Variants in IL20RB observed in about 807,000 individuals in gnomAD.
IL20RB encodes the protein interleukin 20 receptor subunit beta.
In IL20RB, 21 loss-of-function variants were observed where a neutral mutation model predicts 33.3. The observed-to-expected ratio is 0.63, with a 90% confidence interval of 0.45 to 0.91. The LOEUF (loss-of-function observed/expected upper bound fraction) is 0.91, where lower values mean the gene tolerates loss of function less well. Among genes scored for constraint, IL20RB ranks in the 40% least tolerant of loss-of-function variants. The probability of loss-of-function intolerance (pLI) is 0.00; values close to 1 mark genes in which losing one functional copy is unlikely to be tolerated. For missense variants in IL20RB, 345 were observed against 384.8 expected, an observed-to-expected ratio of 0.90 and a Z score of 0.86; for synonymous variants, 147 against 146.8, an observed-to-expected ratio of 1.00 and a Z score of -0.01.
intron 5 of IL20RB, among the ~76,000 whole-genome samples, chr3:136,993,417 T>C (rs185770619): frequency 2.6e-5 from 4 of 152,298 alleles, no homozygotes; most frequent in Non-Finnish European, 4.4e-5. Context: ...TACATATGGA[T>C]CTACCTCATT....
Position 136,982,172 on chromosome 3 carries a change from C to T in IL20RB, c.228C>T (p.Ser76=), listed in dbSNP as rs1201960672. The change falls in exon 3 of 7, where the codon AGC becomes AGT. Residue 76 remains serine (S), a synonymous_variant. Coordinates refer to ENST00000329582, the MANE Select transcript of IL20RB (RefSeq NM_144717.4). ...CTCTCTTTGACAGGGAGTACGAGAG[C>T]CTGTACACGAGCCACATCTGGATCC... ...YSVEYQGEYE[S]LYTSHIWIPS... The T allele has an allele frequency of 8.2e-6, 13 of 1,581,512 alleles. 1 individual carries two copies. The South Asian group carries it at 1.5e-4, about 18-fold the overall frequency.
intron 2 of IL20RB, among the ~76,000 whole-genome samples, chr3:136,980,855 C>T (rs1941754033): frequency 6.6e-6 from 1 of 152,164 alleles, no homozygotes. Flanking sequence ...ATCAACTGTC[C>T]AATGGGTTTG....
chr3:136,974,409 G>A (rs1941566131), intron 1 of IL20RB, among the ~76,000 whole-genome samples: 3 of 152,170 alleles, frequency 2.0e-5, no homozygotes. Flanking sequence ...TTTGCCAGAT[G>A]TAATAGTCTT....
chr3:136,960,554 C>T (rs2108168892), intron 1 of IL20RB, among the ~76,000 whole-genome samples: 1 of 152,324 alleles, frequency 6.6e-6, no homozygotes, highest in Middle Eastern at 3.4e-3. Flanking sequence ...CAATGACAAT[C>T]ACAACTGCTA....
chr3:137,007,276 T>G (rs1243809735), intron 6 of IL20RB, among the ~76,000 whole-genome samples: 1 of 152,120 alleles, frequency 6.6e-6, no homozygotes, highest in Non-Finnish European at 1.5e-5. Flanking sequence ...GTCTGTCTGT[T>G]CTCGGAGGTC....
intron 6 of IL20RB, among the ~76,000 whole-genome samples, chr3:136,998,391 AAAT>A (rs1333929924): frequency 3.3e-5 from 5 of 151,150 alleles, no homozygotes; most frequent in Non-Finnish European, 7.4e-5. Flanking sequence ...AAGGTATTTA[AAAT>A]AATCTTTTAT....
Position 136,990,561 on chromosome 3 carries a change from G to C in IL20RB, c.531+996G>C, listed in dbSNP as rs571677894. Among the ~76,000 whole-genome samples, 389 of 152,250 alleles carry C rather than the reference G, an allele frequency of 2.6e-3. 4 individuals carry two copies. The highest frequency in any genetic ancestry group is 8.2e-3 in the African/African-American group (339 of 41,536). On this transcript the variant is annotated intron_variant, in intron 4 of 6. Transcript: ENST00000329582. ...ACTGTGTCCTCTCTCCTTTGTCCCT[G>C]CTTCTAGCTCTCGGTATTCAGTTTC... is the stretch of plus-strand genomic sequence containing the variant.
chr3:136,982,464 G>T lies in IL20RB; in HGVS notation c.406+114G>T, dbSNP rs553715864. The T allele has an allele frequency of 4.0e-4, 292 of 737,334 alleles. No individual in the cohort carries two copies. In the African/African-American group the frequency reaches 4.7e-3, roughly 12 times the overall value. The allele number at this position is 737,334 out of a possible 1,614,324, so 45.7% of individuals were successfully genotyped here. On this transcript the variant is annotated intron_variant, in intron 3 of 6. Transcript: ENST00000329582. ...ATCAGAATAGTCCTGCAAAGCCAGA[G>T]TATTGTGAACACAAACAACCCTTAC...
chr3:136,983,413 ACT>A (rs1941829583), intron 3 of IL20RB, among the ~76,000 whole-genome samples: 3 of 152,046 alleles, frequency 2.0e-5, no homozygotes, highest in Non-Finnish European at 4.4e-5. Context: ...ACAAAGCAAC[ACT>A]CTGGCTGCTG....
chr3:136,995,218 C>T (rs1942102371), intron 5 of IL20RB, among the ~76,000 whole-genome samples, 196 bp from the exon 6 acceptor site: 1 of 152,176 alleles, frequency 6.6e-6, no homozygotes, highest in Non-Finnish European at 1.5e-5. Flanking sequence ...GAAACCATGC[C>T]TTCATCTGGA....
At chr3:137,001,665 C>G (rs780248608) in intron 6 of IL20RB, among the ~76,000 whole-genome samples, 1 of 152,058 alleles carries the variant, frequency 6.6e-6, no homozygotes, top group Non-Finnish European at 1.5e-5. Flanking sequence ...TCTGTATGGA[C>G]GAAACATTTC....
chr3:136,971,827 T>G (rs568480178), intron 1 of IL20RB, among the ~76,000 whole-genome samples: 7 of 152,332 alleles, frequency 4.6e-5, no homozygotes, highest in Non-Finnish European at 8.8e-5. Flanking sequence ...GACATATTGA[T>G]TTATTTTCCT....
At chr3:137,007,787 G>A (rs754893344) in intron 6 of IL20RB, among the ~76,000 whole-genome samples, 5 of 152,192 alleles carry the variant, frequency 3.3e-5, no homozygotes, top group Non-Finnish European at 5.9e-5. Flanking sequence ...CCCTCTGTGG[G>A]CTGCACCGAC....
chr3:136,962,480 G>T (rs191362240), intron 1 of IL20RB, among the ~76,000 whole-genome samples: 23 of 152,162 alleles, frequency 1.5e-4, no homozygotes, highest in Non-Finnish European at 5.9e-5. Flanking sequence ...TCGGCCAGGC[G>T]TGGTGGCTCA....
At chr3:137,001,286 C>T (rs1209363109) in intron 6 of IL20RB, among the ~76,000 whole-genome samples, 1 of 152,186 alleles carries the variant, frequency 6.6e-6, no homozygotes, top group Non-Finnish European at 1.5e-5. Flanking sequence ...CGTGCATTCC[C>T]TTCCGTAAGG....
Position 136,981,265 on chromosome 3 carries a change from T to TTTAAATTAAATTAAATTAAATTAAA in IL20RB, c.215+684_215+708dup, listed in dbSNP as rs3054095. ...CACCAGCCACAGCTGGCTATTTAAA[T>TTTAAATTAAATTAAATTAAATTAAA]TTAAATTAAATTAAATTAAATTAAA... On this transcript the variant is annotated intron_variant, in intron 2 of 6. Transcript: ENST00000329582. Among the ~76,000 whole-genome samples the TTTAAATTAAATTAAATTAAATTAAA allele has an allele frequency of 4.6e-3, 667 of 146,518 alleles. 2 individuals are homozygous for TTTAAATTAAATTAAATTAAATTAAA. Among genetic ancestry groups the TTTAAATTAAATTAAATTAAATTAAA allele is most frequent in the East Asian group, 0.01 (51 of 4,956 alleles).
intron 3 of IL20RB, among the ~76,000 whole-genome samples, chr3:136,986,013 TGGGAGGCCAA>T: frequency 6.6e-6 from 1 of 152,232 alleles, no homozygotes; most frequent in East Asian, 1.9e-4. Context: ...CCCAGCACTT[TGGGAGGCCAA>T]AGCCAGTGGA....
intron 4 of IL20RB, among the ~76,000 whole-genome samples, chr3:136,990,755 A>G (rs1223637967): frequency 6.6e-6 from 1 of 152,140 alleles, no homozygotes; most frequent in African/African-American, 2.4e-5. Flanking sequence ...CTCACCACCC[A>G]TTCAAAGAGG....
Position 136,991,719 on chromosome 3 carries a change from C to T in IL20RB, c.532-219C>T, listed in dbSNP as rs932567211. 2.0e-5 allele frequency among the ~76,000 whole-genome samples: 3 copies of T among 152,208 alleles called. No homozygotes were observed. The East Asian group carries it at 5.8e-4, about 29-fold the overall frequency. On this transcript the variant is annotated intron_variant, in intron 4 of 6. Coordinates refer to ENST00000329582, the MANE Select transcript of IL20RB (RefSeq NM_144717.4). Reference sequence around the variant, plus strand: ...TGCCTCCTGGGTTCAAGTGATTCTCCTGCCTCAGCCTCCTGAGTAGCTGGG... The same window carrying T: ...TGCCTCCTGGGTTCAAGTGATTCTCTTGCCTCAGCCTCCTGAGTAGCTGGG...
Sources: gnomAD v4.1 joint callset for allele counts (sites outside exome capture counted in the v4.1 genomes callset) on GRCh38, gnomAD v4.1.1 for gene constraint, MANE v1.5 for transcripts, NCBI Gene and HGNC (gene_info 2026-07-23, HGNC 2026-07-21) for gene names.